Variants in ZCCHC24 observed in about 807,000 individuals in gnomAD.
The protein encoded by ZCCHC24 is zinc finger CCHC-type containing 24.
ZCCHC24 carries 10 observed loss-of-function variants against 26.2 expected under a neutral mutation model. That is an observed-to-expected ratio of 0.38 (90% CI 0.24 to 0.65). The LOEUF is 0.65. Among genes scored for constraint, ZCCHC24 ranks in the 30% least tolerant of loss-of-function variants. The probability of loss-of-function intolerance (pLI) is 0.54; values close to 1 mark genes in which losing one functional copy is unlikely to be tolerated. For missense variants in ZCCHC24, 243 were observed against 329.1 expected (o/e 0.74, Z 2.03); for synonymous variants, 144 against 147.1 (o/e 0.98, Z 0.15).
rs187951613 is a variant in ZCCHC24, at chr10:79,396,019, C to T, written c.448-1579G>A. 7.2e-3 allele frequency among the ~76,000 whole-genome samples: 1,090 copies of T among 152,322 alleles called. 8 individuals are homozygous for T. Among genetic ancestry groups the T allele is most frequent in the Middle Eastern group, 0.014 (4 of 294 alleles). ...CCCCATCCTACTCCCACTTCCTTAT[C>T]CCACACAGCCCTAGGCAGCCACTAG... On this transcript the variant is annotated intron_variant, in intron 2 of 3. Transcript: ENST00000372336.
chr10:79,428,992 T>C (rs1857088608), intron 2 of ZCCHC24, among the ~76,000 whole-genome samples: 1 of 152,062 alleles, frequency 6.6e-6, no homozygotes, highest in African/African-American at 2.4e-5. Flanking sequence ...TCATCAAAAA[T>C]CTACCCACAA....
intron 2 of ZCCHC24, among the ~76,000 whole-genome samples, chr10:79,416,356 T>C (rs1476667274): frequency 2.0e-5 from 3 of 152,192 alleles, no homozygotes; most frequent in Admixed American, 1.3e-4. Context: ...AACGCGTTGG[T>C]AATGAGTGGC....
chr10:79,418,500 C>T (rs540983030), intron 2 of ZCCHC24, among the ~76,000 whole-genome samples: 9 of 152,276 alleles, frequency 5.9e-5, no homozygotes, highest in South Asian at 2.1e-4. Context: ...GGGCTAGGCA[C>T]GACTCACCAA....
At chr10:79,392,806 G>A (rs575853940) in intron 3 of ZCCHC24, among the ~76,000 whole-genome samples, 5 of 152,166 alleles carry the variant, frequency 3.3e-5, no homozygotes, top group Admixed American at 6.5e-5. Context: ...TGCCTGACTG[G>A]CCGGGCTTCT....
chr10:79,389,052 C>T (rs1202655173), intron 3 of ZCCHC24, among the ~76,000 whole-genome samples: 1 of 152,222 alleles, frequency 6.6e-6, no homozygotes, highest in Non-Finnish European at 1.5e-5. Context: ...CAGTGCCCAC[C>T]CCAGACTGCA....
At chr10:79,403,578 A>G (rs1856667943) in intron 2 of ZCCHC24, 1 of 985,272 alleles carries the variant, frequency 1.0e-6, no homozygotes, top group Non-Finnish European at 1.2e-6. Flanking sequence ...GGAGGGAGGA[A>G]GGACGCGGCA....
At chr10:79,403,713 A>G in intron 2 of ZCCHC24, 1 of 648,774 alleles carries the variant, frequency 1.5e-6, no homozygotes, top group Non-Finnish European at 1.9e-6. Context: ...GCATGGGCCC[A>G]GAAGGCCTGG....
In ZCCHC24 at chr10:79,394,232, C is replaced by T. The variant is rs748080646; in HGVS notation, c.612+44G>A. On this transcript the variant is annotated intron_variant, in intron 3 of 3. Coordinates refer to ENST00000372336, the MANE Select transcript of ZCCHC24 (RefSeq NM_153367.4). ...TGAGGTCCGGTAAGGGAAAAGTTGC[C>T]CTCCCGCGGTCCTTCTGAGAAGGCC... 1.3e-5 allele frequency: 21 copies of T among 1,588,490 alleles called. No individual in the cohort carries two copies. The African/African-American group carries it at 2.6e-4, about 19-fold the overall frequency.
chr10:79,391,892 C>T (rs1210125670), intron 3 of ZCCHC24, among the ~76,000 whole-genome samples: 9 of 151,468 alleles, frequency 5.9e-5, no homozygotes, highest in African/African-American at 2.2e-4. Flanking sequence ...CCTCCATCCC[C>T]CACTACCTCA....
At chr10:79,444,049 A>G in intron 1 of ZCCHC24, 1 of 1,517,674 alleles carries the variant, frequency 6.6e-7, no homozygotes, top group Non-Finnish European at 8.8e-7. Flanking sequence ...ACCCTTGCGT[A>G]CATAGGCTTT....
At chr10:79,398,053 G>A (rs956419038) in intron 2 of ZCCHC24, among the ~76,000 whole-genome samples, 2 of 152,234 alleles carry the variant, frequency 1.3e-5, no homozygotes, top group African/African-American at 4.8e-5. Flanking sequence ...GTCTGGAGCC[G>A]TCCGTCAGGG....
chr10:79,387,581 G>T (rs894840944), intron 3 of ZCCHC24, among the ~76,000 whole-genome samples: 1 of 152,162 alleles, frequency 6.6e-6, no homozygotes, highest in Non-Finnish European at 1.5e-5. Flanking sequence ...TGGACATGGG[G>T]GGCTCACAGG....
At position 79,441,299 on chromosome 10, in the gene ZCCHC24, C is replaced by CT. The variant is rs199632074; in HGVS notation, c.246+3895dup. ...CTCGGAAAACTGTCAAGACTGGGGCCTTTTAAAGGAGGACACTGTATGTAC... is the reference window on the plus strand; with the variant it reads ...CTCGGAAAACTGTCAAGACTGGGGCCTTTTTAAAGGAGGACACTGTATGTAC... On this transcript the variant is annotated intron_variant, in intron 1 of 3. Transcript: ENST00000372336. 3.3e-3 allele frequency among the ~76,000 whole-genome samples: 501 copies of CT among 152,206 alleles called. 4 individuals carry two copies. Among genetic ancestry groups the CT allele is most frequent in the African/African-American group, 0.011 (471 of 41,526 alleles).
At chr10:79,428,051 G>A (rs1158453596) in intron 2 of ZCCHC24, among the ~76,000 whole-genome samples, 1 of 152,190 alleles carries the variant, frequency 6.6e-6, no homozygotes, top group Non-Finnish European at 1.5e-5. Flanking sequence ...TTGAAAGCGA[G>A]CAAAGATACT....
Position 79,445,344 on chromosome 10 carries a change from G to A in ZCCHC24, c.97C>T (p.Gln33Ter). ...CGGAAGGCATCGAAGGCGCTAGCCT[G>A]GTGCGTGTCCTGCAGCGACAGGTAG... ...WVYLSLQDTH[Q>*]ASAFDAFRPE... The change falls in exon 1 of 4, where the codon CAG (glutamine) becomes TAG (stop). Residue 33 changes from glutamine (Q) to a stop codon, truncating the protein, a stop_gained. Coordinates refer to ENST00000372336, the MANE Select transcript of ZCCHC24 (RefSeq NM_153367.4). LOFTEE classifies it high-confidence loss of function. The A allele has an allele frequency of 1.3e-6, 2 of 1,536,122 alleles. No homozygotes were observed. Among genetic ancestry groups the A allele is most frequent in the Non-Finnish European group, 8.7e-7 (1 of 1,144,284 alleles).
At chr10:79,430,011 C>T (rs1043100645) in intron 2 of ZCCHC24, among the ~76,000 whole-genome samples, 3 of 152,152 alleles carry the variant, frequency 2.0e-5, no homozygotes, top group Non-Finnish European at 4.4e-5. Context: ...AGACAGCATC[C>T]AATCAGGTTC....
chr10:79,444,945 G>T (rs555028185), intron 1 of ZCCHC24, among the ~76,000 whole-genome samples: 348 of 152,324 alleles, frequency 2.3e-3, no homozygotes, highest in African/African-American at 8.1e-3. Flanking sequence ...CAGGGAGAGG[G>T]GGCGGGAGAG....
intron 2 of ZCCHC24, among the ~76,000 whole-genome samples, chr10:79,395,031 G>A (rs1216369939): frequency 6.6e-6 from 1 of 152,130 alleles, no homozygotes; most frequent in Non-Finnish European, 1.5e-5. Flanking sequence ...TTATCCATCT[G>A]GTTCTGCATC....
chr10:79,427,617 TA>T (rs34777821), intron 2 of ZCCHC24, among the ~76,000 whole-genome samples: 4,080 of 147,514 alleles, frequency 0.028, 180 homozygotes, highest in African/African-American at 0.093. Context: ...ACAAGGGAAA[TA>T]AAAAAAAAAA....
Sources: gnomAD v4.1 joint callset for allele counts (sites outside exome capture counted in the v4.1 genomes callset) on GRCh38, gnomAD v4.1.1 for gene constraint, MANE v1.5 for transcripts, NCBI Gene and HGNC (gene_info 2026-07-23, HGNC 2026-07-21) for gene names.